TGFBI: variants seen among roughly 807,000 people sequenced by gnomAD.
TGFBI encodes the protein transforming growth factor-beta-induced protein ig-h3.
A neutral mutation model predicts 73.7 loss-of-function variants in TGFBI; 50 were observed. The observed-to-expected ratio is 0.68, with a 90% CI of 0.54 to 0.86. The LOEUF (loss-of-function observed/expected upper bound fraction) is 0.86. TGFBI is among the 40% of genes least tolerant of loss of function. TGFBI has a pLI of 0.00. For synonymous variants in TGFBI, 362 were observed against 360.5 expected (o/e 1.00, Z -0.05); for missense variants, 839 against 877.0 (o/e 0.96, Z 0.55).
chr5:136,049,530 T>C lies in TGFBI; in HGVS notation c.863T>C (p.Ile288Thr). ...LAPTNEAFEKIPSETLNRILG... is the reference protein window; with the variant it reads ...LAPTNEAFEKTPSETLNRILG... ...CCGACCAATGAGGCCTTCGAGAAGA[T>C]CCCTAGTGAGACTTTGAACCGTATC... Residue 288 changes from isoleucine to threonine, a missense_variant, in exon 7 of 17, where the codon ATC becomes ACC. Transcript: ENST00000442011. 1 of 1,613,870 alleles carries C rather than the reference T, an allele frequency of 6.2e-7. No homozygotes were observed. Among genetic ancestry groups the C allele is most frequent in the Non-Finnish European group, 8.5e-7 (1 of 1,179,846 alleles).
chr5:136,034,000 G>C (rs756565048), intron 2 of TGFBI, 139 bp downstream of exon 2: 3 of 715,550 alleles, frequency 4.2e-6, no homozygotes, highest in Non-Finnish European at 4.9e-6. Flanking sequence ...TGGGACCTGC[G>C]TGCTAGGGAG....
chr5:136,035,755 T>C (rs1751209372), intron 2 of TGFBI, among the ~76,000 whole-genome samples: 1 of 152,126 alleles, frequency 6.6e-6, no homozygotes, highest in Non-Finnish European at 1.5e-5. Context: ...CCTAATTGCT[T>C]CTTGGAAGGT....
chr5:136,061,202 C>T (rs373865817), intron 14 of TGFBI: 26 of 575,350 alleles, frequency 4.5e-5, no homozygotes, highest in African/African-American at 1.1e-4. Context: ...TCTGTATTCG[C>T]GTGGATGCTG....
At chr5:136,063,110 T>G in intron 16 of TGFBI, 76 bp from the exon 17 acceptor site, 1 of 1,423,360 alleles carries the variant, frequency 7.0e-7, no homozygotes, top group Non-Finnish European at 9.9e-7. Context: ...GCCCTGGTCC[T>G]TGAGATTCTG....
At chr5:136,061,141 C>T in intron 14 of TGFBI, 1 of 593,674 alleles carries the variant, frequency 1.7e-6, no homozygotes, top group Non-Finnish European at 3.0e-6. Context: ...ACACATTGCT[C>T]TTTGCGGAGT....
intron 2 of TGFBI, among the ~76,000 whole-genome samples, chr5:136,039,833 C>T (rs1427380418): frequency 3.9e-5 from 6 of 152,224 alleles, no homozygotes; most frequent in Non-Finnish European, 8.8e-5. Flanking sequence ...TCAGAATCAG[C>T]TCAGCTGTGT....
chr5:136,034,037 T>C (rs1428156651), intron 2 of TGFBI, among the ~76,000 whole-genome samples, 176 bp downstream of exon 2: 1 of 152,190 alleles, frequency 6.6e-6, no homozygotes, highest in Admixed American at 6.5e-5. Flanking sequence ...CTGGCCAATT[T>C]TGTTTTGCAT....
chr5:136,061,026 T>C (rs1026502879), intron 14 of TGFBI, 90 bp downstream of exon 14: 1 of 905,058 alleles, frequency 1.1e-6, no homozygotes. Context: ...TAAACAATGA[T>C]GAGAATAACA....
chr5:136,035,405 C>A (rs962324607), intron 2 of TGFBI, among the ~76,000 whole-genome samples: 9 of 152,136 alleles, frequency 5.9e-5, no homozygotes, highest in African/African-American at 2.2e-4. Flanking sequence ...GGGCGGATCA[C>A]AAGGTCAGGA....
At chr5:136,054,972 C>T in intron 10 of TGFBI, 111 bp downstream of exon 10, 2 of 1,296,950 alleles carry the variant, frequency 1.5e-6, no homozygotes, top group Non-Finnish European at 1.1e-6. Flanking sequence ...GAACTGGTTG[C>T]TGACAAGGAA....
At chr5:136,056,925 T>G (rs536751770) in intron 12 of TGFBI, 130 bp downstream of exon 12, 67 of 1,230,380 alleles carry the variant, frequency 5.4e-5, no homozygotes, top group Non-Finnish European at 7.4e-5. Flanking sequence ...AGTGAAAGAG[T>G]GGGCGGGACT....
intron 7 of TGFBI, among the ~76,000 whole-genome samples, chr5:136,052,232 T>G (rs1751550231): frequency 6.6e-6 from 1 of 152,220 alleles, no homozygotes; most frequent in Admixed American, 6.5e-5. Flanking sequence ...GATAAGCAAA[T>G]AAATTATTAT....
rs202185692 is a variant in TGFBI at position 136,046,936 on chromosome 5, C to T, written c.545C>T (p.Thr182Ile). 6.2e-7 allele frequency: 1 copy of T among 1,613,780 alleles called. No homozygotes were observed. The highest frequency in any genetic ancestry group is 1.7e-5 in the Admixed American group (1 of 60,000). Residue 182 changes from threonine (T) to isoleucine (I), a missense_variant, in exon 5 of 17, where the codon ACT (threonine) becomes ATT (isoleucine). Coordinates refer to ENST00000442011, the MANE Select transcript of TGFBI (RefSeq NM_000358.3). ...RYHMVGRRVL[T>I]DELKHGMTLT... Reference sequence around the variant, plus strand: ...CATATGGTGGGCAGGCGAGTCCTGACTGATGAGCTGAAACACGGCATGACC... The same window carrying T: ...CATATGGTGGGCAGGCGAGTCCTGATTGATGAGCTGAAACACGGCATGACC...
At position 136,034,121 on chromosome 5, in the gene TGFBI, C is replaced by T. The variant is rs530096975; in HGVS notation, c.233+260C>T. On this transcript the variant is annotated intron_variant, in intron 2 of 16. Transcript: ENST00000442011. ...GGTTTGCAAGAAACATGAAACACTG[C>T]GTGTGTGTGTGTGTGTGTGTGTTTC... Among the ~76,000 whole-genome samples, 41 of 149,638 alleles carry T rather than the reference C, an allele frequency of 2.7e-4. No homozygotes were observed. The highest frequency in any genetic ancestry group is 3.9e-4 in the Non-Finnish European group (26 of 67,188).
chr5:136,046,590 C>A, intron 4 of TGFBI, 95 bp downstream of exon 4: 1 of 1,414,924 alleles, frequency 7.1e-7, no homozygotes, highest in Non-Finnish European at 9.4e-7. Context: ...GCAGTCATTT[C>A]CTACTGTTTC....
At position 136,063,256 on chromosome 5, in the gene TGFBI, G is replaced by A. The variant is rs373032581; in HGVS notation, c.*30G>A. The stretch of plus-strand genomic sequence containing the variant: ...AAGCACTACAGGAGGAATGCACCAC[G>A]GCAGCTCTCCGCCAATTTCTCTCAG... On this transcript the variant is annotated 3_prime_UTR_variant, in exon 17 of 17. Coordinates refer to ENST00000442011, the MANE Select transcript of TGFBI (RefSeq NM_000358.3). The A allele has an allele frequency of 1.4e-5, 23 of 1,601,508 alleles. No individual in the cohort carries two copies. The highest frequency in any genetic ancestry group is 4.4e-5 in the South Asian group (4 of 90,394).
chr5:136,056,918 G>T (rs919722062), intron 12 of TGFBI, 123 bp downstream of exon 12: 2 of 1,280,950 alleles, frequency 1.6e-6, no homozygotes, highest in African/African-American at 3.0e-5. Context: ...GACTATTAGT[G>T]AAAGAGTGGG....
intron 1 of TGFBI, among the ~76,000 whole-genome samples, chr5:136,032,843 G>A (rs1398248404): frequency 6.6e-6 from 1 of 151,240 alleles, no homozygotes; most frequent in Admixed American, 6.6e-5. Flanking sequence ...GTTTGGGTCA[G>A]GACTTGGTAT....
chr5:136,052,957 G>C lies in TGFBI; in HGVS notation c.964G>C (p.Val322Leu). The change falls in exon 8 of 17, where the codon GTT becomes CTT. Residue 322 changes from valine to leucine, a missense_variant. Val to Leu is a conservative substitution (Grantham distance 32, BLOSUM62 1). Transcript: ENST00000442011. ...GTCAGCTATGTGTGCTGAAGCCATCGTTGCGGGGCTGTCTGTAGAGACCCT... is the reference window on the plus strand; with the variant it reads ...GTCAGCTATGTGTGCTGAAGCCATCCTTGCGGGGCTGTCTGTAGAGACCCT... ...LKSAMCAEAI[V>L]AGLSVETLEG... 1.2e-6 allele frequency: 2 copies of C among 1,614,066 alleles called. No individual in the cohort carries two copies.
Sources: gnomAD v4.1 joint callset for allele counts (sites outside exome capture counted in the v4.1 genomes callset) on GRCh38, gnomAD v4.1.1 for gene constraint, MANE v1.5 for transcripts, NCBI Gene and HGNC (gene_info 2026-07-23, HGNC 2026-07-21) for gene names.